Variants in VPS54 observed in about 807,000 individuals in gnomAD.
The protein encoded by VPS54 is VPS54 subunit of GARP complex, also known as vacuolar protein sorting-associated protein 54.
Under a neutral mutation model 121.5 loss-of-function variants are expected in VPS54, and 45 were observed. The ratio of observed to expected loss-of-function variants is 0.37; its 90% CI spans 0.29 to 0.47. The LOEUF (loss-of-function observed/expected upper bound fraction) is 0.47, where lower values mean the gene tolerates loss of function less well. Among genes scored for constraint, VPS54 ranks in the 20% least tolerant of loss-of-function variants. The pLI, the probability that VPS54 is intolerant of heterozygous loss-of-function variation, is 0.99. For missense variants in VPS54, 1,090 were observed against 1,131.4 expected, an observed-to-expected ratio of 0.96 and a Z score of 0.52; for synonymous variants, 371 against 385.8, an observed-to-expected ratio of 0.96 and a Z score of 0.45.
At chr2:63,915,800 A>C (rs771126108) in intron 16 of VPS54, among the ~76,000 whole-genome samples, 39 of 152,358 alleles carry the variant, frequency 2.6e-4, no homozygotes, top group Non-Finnish European at 4.4e-4. Context: ...ATTTGAATAC[A>C]GATACAGAAA....
intron 17 of VPS54, 164 bp downstream of exon 17, chr2:63,914,018 G>T: frequency 1.8e-6 from 2 of 1,088,402 alleles, no homozygotes; most frequent in Non-Finnish European, 2.6e-6. Context: ...GAAGCAGGCA[G>T]CCTGTTTCCA....
At chr2:63,980,088 T>C (rs558651560) in intron 3 of VPS54, among the ~76,000 whole-genome samples, 1 of 152,316 alleles carries the variant, frequency 6.6e-6, no homozygotes, top group South Asian at 2.1e-4. Flanking sequence ...AATAGCTACT[T>C]TGCCATAAAA....
At chr2:64,017,805 C>T (rs1034650590) in intron 1 of VPS54, among the ~76,000 whole-genome samples, 7 of 152,188 alleles carry the variant, frequency 4.6e-5, no homozygotes, top group Non-Finnish European at 8.8e-5. Flanking sequence ...CATCTACTGT[C>T]GTCCCAAACA....
chr2:64,003,820 C>G (rs2104682764), intron 1 of VPS54, among the ~76,000 whole-genome samples: 1 of 152,282 alleles, frequency 6.6e-6, no homozygotes, highest in South Asian at 2.1e-4. Flanking sequence ...TTGAAAGGCA[C>G]TAGAAGCATT....
chr2:64,005,268 TA>T (rs1196756757), intron 1 of VPS54, among the ~76,000 whole-genome samples: 1 of 146,900 alleles, frequency 6.8e-6, no homozygotes, highest in Non-Finnish European at 1.5e-5. Flanking sequence ...CGCGCCCGGC[TA>T]ATTTTTTGTA....
intron 12 of VPS54, among the ~76,000 whole-genome samples, chr2:63,926,339 C>G (rs1041206085): frequency 6.6e-6 from 1 of 152,186 alleles, no homozygotes; most frequent in Non-Finnish European, 1.5e-5. Context: ...TGCACCCTAA[C>G]TAGTAAATGT....
chr2:63,954,110 A>T (rs952335395), intron 7 of VPS54, among the ~76,000 whole-genome samples: 10 of 152,164 alleles, frequency 6.6e-5, no homozygotes, highest in African/African-American at 2.2e-4. Flanking sequence ...TGGATTTCTA[A>T]ATACTATTTC....
rs372451966 is a variant in VPS54 at position 63,914,291 on chromosome 2, C to T, written c.2229-4G>A. On this transcript the variant is annotated splice_region_variant and splice_polypyrimidine_tract_variant and intron_variant, in intron 16 of 22. Transcript: ENST00000272322. ...TCTTATTAACAGCAATACGGTTCTA[C>T]AAGAAAAGAAAAATGGCCCAATAGG... is the stretch of plus-strand genomic sequence containing the variant. The T allele has an allele frequency of 1.3e-6, 2 of 1,585,626 alleles. No individual in the cohort carries two copies. The highest frequency in any genetic ancestry group is 2.3e-5 in the South Asian group (2 of 86,748).
At chr2:63,916,492 G>A (rs908317379) in intron 16 of VPS54, among the ~76,000 whole-genome samples, 1 of 152,210 alleles carries the variant, frequency 6.6e-6, no homozygotes, top group Middle Eastern at 3.4e-3. Context: ...TCTGTGTATA[G>A]TACTATTTTC....
chr2:63,956,516 A>G (rs1559019923), intron 7 of VPS54, among the ~76,000 whole-genome samples: 1 of 152,200 alleles, frequency 6.6e-6, no homozygotes, highest in Admixed American at 6.5e-5. Context: ...CAGTTTGTAC[A>G]ATCAAATTAG....
chr2:63,917,450 T>G (rs1673435728), intron 15 of VPS54, among the ~76,000 whole-genome samples: 1 of 152,074 alleles, frequency 6.6e-6, no homozygotes, highest in South Asian at 2.1e-4. Context: ...AAAGATTATA[T>G]ATTTAATTTT....
chr2:63,904,738 C>G (rs534838901), intron 20 of VPS54, among the ~76,000 whole-genome samples: 1 of 152,230 alleles, frequency 6.6e-6, no homozygotes, highest in East Asian at 1.9e-4. Context: ...CCAGCAACAG[C>G]AAAATACACA....
chr2:63,916,439 T>C (rs926285492), intron 16 of VPS54, among the ~76,000 whole-genome samples: 3 of 152,198 alleles, frequency 2.0e-5, no homozygotes, highest in Non-Finnish European at 4.4e-5. Flanking sequence ...GTGCTAGACC[T>C]GTGCTAAATG....
At chr2:64,004,054 A>G (rs1559053344) in intron 1 of VPS54, among the ~76,000 whole-genome samples, 1 of 152,230 alleles carries the variant, frequency 6.6e-6, no homozygotes, top group Non-Finnish European at 1.5e-5. Flanking sequence ...TCAAGAGGAC[A>G]AAGGACCAAG....
chr2:63,913,981 G>T, intron 17 of VPS54: 1 of 1,281,136 alleles, frequency 7.8e-7, no homozygotes, highest in Non-Finnish European at 1.0e-6. Flanking sequence ...ATGGGTGAAT[G>T]AGGATCACTA....
At chr2:63,990,835 C>G (rs749824136) in intron 1 of VPS54, among the ~76,000 whole-genome samples, 1 of 152,178 alleles carries the variant, frequency 6.6e-6, no homozygotes, top group Non-Finnish European at 1.5e-5. Flanking sequence ...TTAATCTTAG[C>G]TTTTTAAAAG....
intron 12 of VPS54, among the ~76,000 whole-genome samples, chr2:63,926,091 A>C (rs1215944753): frequency 6.6e-6 from 1 of 152,218 alleles, no homozygotes; most frequent in Non-Finnish European, 1.5e-5. Context: ...TTAACAAGCA[A>C]AACAAAGTAA....
chr2:63,938,037 C>CGT lies in VPS54; in HGVS notation c.1399-4026_1399-4025dup, dbSNP rs886579240. On this transcript the variant is annotated intron_variant, in intron 11 of 22. Transcript: ENST00000272322. ...GCCAGGGGATTGGGGAAAGTGGAAACGTGTGTGTGTGTGGTGTGTGTGGTG... is the reference window on the plus strand; with the variant it reads ...GCCAGGGGATTGGGGAAAGTGGAAACGTGTGTGTGTGTGTGGTGTGTGTGGTG... 3.3e-4 allele frequency among the ~76,000 whole-genome samples: 32 copies of CGT among 97,774 alleles called. No individual in the cohort carries two copies. The South Asian group carries it at 6.2e-3, about 19-fold the overall frequency. 64.1% of individuals were successfully genotyped at this position (97,774 alleles called of 152,430 possible). A position where few individuals can be genotyped will look rare whatever the true frequency, so the allele number is the denominator to read the frequency against.
intron 7 of VPS54, among the ~76,000 whole-genome samples, chr2:63,950,992 G>C (rs1675215239): frequency 6.6e-6 from 1 of 152,038 alleles, no homozygotes; most frequent in Non-Finnish European, 1.5e-5. Context: ...AAGTTCTCCA[G>C]CTTTAGATCC....
Sources: gnomAD v4.1 joint callset for allele counts (sites outside exome capture counted in the v4.1 genomes callset) on GRCh38, gnomAD v4.1.1 for gene constraint, MANE v1.5 for transcripts, NCBI Gene and HGNC (gene_info 2026-07-23, HGNC 2026-07-21) for gene names.